Variants in PROKR2 observed in about 807,000 individuals in gnomAD.
The protein encoded by PROKR2 is G protein-coupled receptor 73-like 1.
PROKR2 carries 26 observed loss-of-function variants against 23.4 expected under a neutral mutation model. The ratio of observed to expected loss-of-function variants is 1.11; its 90% CI spans 0.81 to 1.54. The LOEUF (loss-of-function observed/expected upper bound fraction) is 1.54, where lower values mean the gene tolerates loss of function less well. Ranked by LOEUF, PROKR2 falls within the 40% of genes most tolerant of loss-of-function variation. The pLI, the probability that PROKR2 is intolerant of heterozygous loss-of-function variation, is 0.00. For missense variants in PROKR2, 453 were observed against 511.5 expected, an observed-to-expected ratio of 0.89 and a Z score of 1.10; for synonymous variants, 212 against 201.2, an observed-to-expected ratio of 1.05 and a Z score of -0.45.
At chr20:5,308,511 T>G (rs1324742855) in intron 2 of PROKR2, among the ~76,000 whole-genome samples, 4 of 152,058 alleles carry the variant, frequency 2.6e-5, no homozygotes, top group African/African-American at 9.7e-5. Context: ...AGGGCTACTT[T>G]AAATCTAATA....
rs546160865 is a variant in PROKR2 at position 5,300,394 on chromosome 20, A to G, written c.*1646T>C. 5.3e-5 allele frequency among the ~76,000 whole-genome samples: 8 copies of G among 152,306 alleles called. No homozygotes were observed. The East Asian group carries it at 1.5e-3, about 29-fold the overall frequency. On this transcript the variant is annotated 3_prime_UTR_variant, in exon 3 of 3. Coordinates refer to ENST00000678254, the MANE Select transcript of PROKR2 (RefSeq NM_144773.4). ...CCCACTGTAGACAAGGTACACTGTG[A>G]AGTCTTCAGGAGTCTTTCATCCAAA...
chr20:5,308,671 C>T (rs547996504), intron 2 of PROKR2, among the ~76,000 whole-genome samples: 2 of 152,302 alleles, frequency 1.3e-5, no homozygotes, highest in East Asian at 1.9e-4. Context: ...ATTCCTCTAG[C>T]GCTGCTGGGG....
intron 2 of PROKR2, among the ~76,000 whole-genome samples, chr20:5,311,823 T>C (rs572565155): frequency 8.5e-5 from 13 of 152,342 alleles, no homozygotes; most frequent in African/African-American, 2.4e-4. Flanking sequence ...CCCTCAAACA[T>C]TGGACTTCAA....
rs780924864 is a variant in PROKR2, at chr20:5,314,043, G to C, written c.327C>G (p.Phe109Leu). The change falls in exon 2 of 3, where the codon TTC becomes TTG. Residue 109 changes from phenylalanine to leucine, a missense_variant. Transcript: ENST00000678254. ...DFLVAIICCP[F>L]EMDYYVVRQL... Reference sequence around the variant, plus strand: ...GCCGTACCACGTAGTAGTCCATCTCGAAGGGGCAGCAGATGATGGCCACCA... The same window carrying C: ...GCCGTACCACGTAGTAGTCCATCTCCAAGGGGCAGCAGATGATGGCCACCA... 7 of 1,614,086 alleles carry C rather than the reference G, an allele frequency of 4.3e-6. No homozygotes were observed. The African/African-American group carries it at 8.0e-5, about 18-fold the overall frequency.
chr20:5,307,455 C>T (rs560180402), intron 2 of PROKR2, among the ~76,000 whole-genome samples: 1 of 152,284 alleles, frequency 6.6e-6, no homozygotes, highest in Admixed American at 6.5e-5. Flanking sequence ...AAATCTGCTC[C>T]TATAATTGAG....
In PROKR2 at chr20:5,314,199, G is replaced by A; in HGVS notation, c.171C>T (p.Gly57=). 3 of 1,614,208 alleles carry A rather than the reference G, an allele frequency of 1.9e-6. No homozygotes were observed. The highest frequency in any genetic ancestry group is 1.7e-6 in the Non-Finnish European group (2 of 1,180,032). ...RTFFAAKIVI[G]IALAGIMLVC... ...CCAGCATGATGCCTGCCAGTGCAAT[G>A]CCAATGACGATCTTGGCTGCGAAGA... The change falls in exon 2 of 3, where the codon GGC becomes GGT. Residue 57 remains glycine, a synonymous_variant. Transcript: ENST00000678254.
intron 2 of PROKR2, among the ~76,000 whole-genome samples, chr20:5,305,733 AT>A (rs1385600254): frequency 1.3e-5 from 2 of 152,168 alleles, no homozygotes; most frequent in African/African-American, 4.8e-5. Context: ...TATTTCAATC[AT>A]TTCTCTACAG....
chr20:5,305,591 G>A (rs1440204262), intron 2 of PROKR2, among the ~76,000 whole-genome samples: 2 of 152,156 alleles, frequency 1.3e-5, no homozygotes, highest in African/African-American at 4.8e-5. Flanking sequence ...TAAATGAACA[G>A]GAGGATTTGG....
chr20:5,303,890 G>A lies in PROKR2; in HGVS notation c.459-1154C>T, dbSNP rs552377310. Reference sequence around the variant, plus strand: ...AACCTGGCCATAAACTGGCGTCAGCGTAACAATGGGACAAGTGTGGGCTCT... The same window carrying A: ...AACCTGGCCATAAACTGGCGTCAGCATAACAATGGGACAAGTGTGGGCTCT... On this transcript the variant is annotated intron_variant, in intron 2 of 2. Transcript: ENST00000678254. Among the ~76,000 whole-genome samples the A allele has an allele frequency of 3.9e-4, 60 of 152,228 alleles. No individual in the cohort carries two copies. The East Asian group carries it at 4.6e-3, about 12-fold the overall frequency.
At chr20:5,313,101 G>A (rs1219915485) in intron 2 of PROKR2, among the ~76,000 whole-genome samples, 1 of 151,974 alleles carries the variant, frequency 6.6e-6, no homozygotes, top group African/African-American at 2.4e-5. Flanking sequence ...ATACATACAT[G>A]CATAGAAATA....
rs373515164 is a variant in PROKR2, at chr20:5,305,719, C to T, written c.459-2983G>A. On this transcript the variant is annotated intron_variant, in intron 2 of 2. Transcript: ENST00000678254. ...TTTAAAGGTTTGGTAGGTACAGGAG[C>T]GGATATTTCAATCATTTCTCTACAG... Among the ~76,000 whole-genome samples the T allele has an allele frequency of 1.4e-3, 216 of 152,186 alleles. 1 individual carries two copies. Among genetic ancestry groups the T allele is most frequent in the Admixed American group, 3.1e-3 (48 of 15,282 alleles).
At chr20:5,305,318 G>A (rs904963308) in intron 2 of PROKR2, among the ~76,000 whole-genome samples, 6 of 152,228 alleles carry the variant, frequency 3.9e-5, no homozygotes, top group Non-Finnish European at 7.3e-5. Context: ...CACAAAAGCT[G>A]TGAGTCTTCT....
At chr20:5,315,893 GGC>G in intron 1 of PROKR2, 1 of 456,440 alleles carries the variant, frequency 2.2e-6, no homozygotes, top group Non-Finnish European at 4.4e-6. Flanking sequence ...AAGACAAGAG[GGC>G]GCGCGCCCGG....
At position 5,301,685 on chromosome 20, in the gene PROKR2, T is replaced by G. The variant is rs1978995262; in HGVS notation, c.*355A>C. Among the ~76,000 whole-genome samples the G allele has an allele frequency of 6.6e-6, 1 of 152,210 alleles. No individual in the cohort carries two copies. Among genetic ancestry groups the G allele is most frequent in the Admixed American group, 6.5e-5 (1 of 15,280 alleles). On this transcript the variant is annotated 3_prime_UTR_variant, in exon 3 of 3. Coordinates refer to ENST00000678254, the MANE Select transcript of PROKR2 (RefSeq NM_144773.4). ...TTTTTGATTGTAATCAAATCAAGTGTTTTTTATTACAGTAGGTGAAGAGTA... is the reference window on the plus strand; with the variant it reads ...TTTTTGATTGTAATCAAATCAAGTGGTTTTTATTACAGTAGGTGAAGAGTA...
At chr20:5,306,798 C>T (rs1289261657) in intron 2 of PROKR2, among the ~76,000 whole-genome samples, 3 of 152,146 alleles carry the variant, frequency 2.0e-5, no homozygotes, top group Admixed American at 2.0e-4. Flanking sequence ...CAGGACAGCC[C>T]ATACACAACT....
intron 2 of PROKR2, among the ~76,000 whole-genome samples, chr20:5,306,108 G>A (rs1407019843): frequency 6.6e-6 from 1 of 152,180 alleles, no homozygotes; most frequent in Admixed American, 6.5e-5. Context: ...CCAATGTTAA[G>A]CCTCCAGAAC....
At chr20:5,315,387 T>C (rs912378690) in intron 1 of PROKR2, among the ~76,000 whole-genome samples, 1 of 152,068 alleles carries the variant, frequency 6.6e-6, no homozygotes, top group Non-Finnish European at 1.5e-5. Flanking sequence ...GAAAATAGTC[T>C]CTGAAGCCCT....
At chr20:5,310,872 A>C (rs925628303) in intron 2 of PROKR2, among the ~76,000 whole-genome samples, 1 of 152,252 alleles carries the variant, frequency 6.6e-6, no homozygotes, top group Non-Finnish European at 1.5e-5. Flanking sequence ...CTGTGGAGAA[A>C]GATAGAAAAC....
In PROKR2 at chr20:5,316,590, C is replaced by T. The variant is rs1371324529; in HGVS notation, c.-105G>A. 2.6e-5 allele frequency among the ~76,000 whole-genome samples: 4 copies of T among 152,234 alleles called. No homozygotes were observed. The highest frequency in any genetic ancestry group is 5.9e-5 in the Non-Finnish European group (4 of 68,046). Reference sequence around the variant, plus strand: ...CGCAGGCGGGCCGCTCGGTTTTCACCTCGAGGACCCGGACTTGCACTTGCA... The same window carrying T: ...CGCAGGCGGGCCGCTCGGTTTTCACTTCGAGGACCCGGACTTGCACTTGCA... On this transcript the variant is annotated 5_prime_UTR_variant, in exon 1 of 3. Transcript: ENST00000678254. This position sits in a 1 kb window ranked among gnomAD's most constrained non-coding sequence, Gnocchi z 5.0.
Sources: allele counts gnomAD v4.1 joint callset (sites outside exome capture counted in the v4.1 genomes callset), GRCh38; gene constraint gnomAD v4.1.1; non-coding constraint Gnocchi (gnomAD v3.1); transcripts MANE v1.5; gene names NCBI Gene and HGNC (gene_info 2026-07-23, HGNC 2026-07-21).